The following AKAP12 variants were observed in gnomAD, a reference collection of about 807,000 sequenced individuals.
The protein encoded by AKAP12 is A-kinase anchor protein 12.
Under a neutral mutation model 79.9 loss-of-function variants are expected in AKAP12, and 32 were observed. The observed-to-expected ratio is 0.40, with a 90% CI of 0.30 to 0.54. AKAP12 has a LOEUF of 0.54. AKAP12 is among the 20% of genes least tolerant of loss of function. The pLI is 0.48. For missense variants in AKAP12, 2,074 were observed against 2,177.0 expected, an observed-to-expected ratio of 0.95 and a Z score of 0.94; for synonymous variants, 808 against 857.0, an observed-to-expected ratio of 0.94 and a Z score of 1.00.
At chr6:151,306,851 A>G (rs554618042) in intron 3 of AKAP12, among the ~76,000 whole-genome samples, 1 of 152,360 alleles carries the variant, frequency 6.6e-6, no homozygotes, top group African/African-American at 2.4e-5. Context: ...GAGTATTTGC[A>G]TGACCTAGTG....
intron 2 of AKAP12, among the ~76,000 whole-genome samples, chr6:151,262,897 A>G (rs1227604895): frequency 6.6e-6 from 1 of 152,120 alleles, no homozygotes; most frequent in Admixed American, 6.6e-5. Context: ...GCTAAGAGAG[A>G]CATTCTACAA....
intron 2 of AKAP12, among the ~76,000 whole-genome samples, chr6:151,278,087 GGTA>G (rs1336450952): frequency 6.6e-6 from 1 of 152,108 alleles, no homozygotes; most frequent in Non-Finnish European, 1.5e-5. Flanking sequence ...TATCACTTAA[GGTA>G]GTAGGTAAAA....
chr6:151,339,703 G>T (rs2114806236), intron 3 of AKAP12, among the ~76,000 whole-genome samples: 1 of 152,074 alleles, frequency 6.6e-6, no homozygotes, highest in South Asian at 2.1e-4. Context: ...ATGCAAAATG[G>T]CTTCACTGCC....
chr6:151,285,964 G>A (rs57772154), intron 2 of AKAP12, among the ~76,000 whole-genome samples: 3 of 150,480 alleles, frequency 2.0e-5, no homozygotes, highest in East Asian at 3.9e-4. Flanking sequence ...TGCAACCTTC[G>A]CCTCCTGAGT....
At chr6:151,341,435 C>T (rs1469157749) in intron 3 of AKAP12, among the ~76,000 whole-genome samples, 3 of 152,186 alleles carry the variant, frequency 2.0e-5, no homozygotes, top group African/African-American at 7.2e-5. Flanking sequence ...GGTTTTCGGC[C>T]TCAGCAGGCT....
At chr6:151,293,678 GGTGCTTTTTT>G (rs1776664815) in intron 2 of AKAP12, among the ~76,000 whole-genome samples, 1 of 152,186 alleles carries the variant, frequency 6.6e-6, no homozygotes, top group Non-Finnish European at 1.5e-5. Flanking sequence ...AGAGAAGTCA[GGTGCTTTTTT>G]GTTAAACACG....
At chr6:151,266,550 C>T (rs182640796) in intron 2 of AKAP12, among the ~76,000 whole-genome samples, 66 of 152,252 alleles carry the variant, frequency 4.3e-4, no homozygotes, top group Non-Finnish European at 6.3e-4. Context: ...TTTAGAAGAT[C>T]GAATTATAAA....
rs199646466 is a variant in AKAP12 at position 151,305,786 on chromosome 6, G to A, written c.202G>A (p.Val68Ile). ...KNGQLSTINGVAEQDELSLQE... is the reference protein window; with the variant it reads ...KNGQLSTINGIAEQDELSLQE... ...TGGTCAGCTGTCCACCATCAATGGC[G>A]TAGCTGAGCAAGATGAGCTCAGCCT... The change falls in exon 3 of 5, where the codon GTA (valine) becomes ATA (isoleucine). Residue 68 changes from valine (V) to isoleucine (I), a missense_variant. Around this residue, in one of 3 missense-constraint regions of AKAP12, gnomAD observed 1,428 missense variants for 1,451.0 expected, o/e 0.98. Transcript: ENST00000402676. 1.4e-5 allele frequency: 22 copies of A among 1,613,710 alleles called. No individual in the cohort carries two copies. In the East Asian group the frequency reaches 3.8e-4, roughly 28 times the overall value.
chr6:151,251,288 T>G (rs545962409), intron 2 of AKAP12, among the ~76,000 whole-genome samples: 51 of 152,122 alleles, frequency 3.4e-4, no homozygotes, highest in Non-Finnish European at 6.2e-4. Flanking sequence ...CAAAACAAAG[T>G]TTCAGAAATA....
chr6:151,257,626 G>C (rs1304834718), intron 2 of AKAP12, among the ~76,000 whole-genome samples: 2 of 152,218 alleles, frequency 1.3e-5, no homozygotes, highest in African/African-American at 2.4e-5. Flanking sequence ...ATAACATGCA[G>C]TATTTGTTTT....
At chr6:151,246,455 C>T (rs1020097133) in intron 2 of AKAP12, among the ~76,000 whole-genome samples, 1 of 152,062 alleles carries the variant, frequency 6.6e-6, no homozygotes, top group Non-Finnish European at 1.5e-5. Context: ...AAATTTAACC[C>T]TTCCTAAATT....
chr6:151,349,461 A>T lies in AKAP12; in HGVS notation c.1070A>T (p.His357Leu). 1 of 1,606,466 alleles carries T rather than the reference A, an allele frequency of 6.2e-7. No homozygotes were observed. Reference sequence around the variant, plus strand: ...AAACTGACCGCCTCCGAGCAAGCCCACCCACAGGAGCCGGCAGAAAGTGCC... The same window carrying T: ...AAACTGACCGCCTCCGAGCAAGCCCTCCCACAGGAGCCGGCAGAAAGTGCC... ...SEKLTASEQA[H>L]PQEPAESAHE... The change falls in exon 4 of 5, where the codon CAC becomes CTC. Residue 357 changes from histidine (H) to leucine (L), a missense_variant. His to Leu is a moderately conservative substitution (Grantham distance 99). Around this residue, in one of 3 missense-constraint regions of AKAP12, gnomAD observed 1,428 missense variants for 1,451.0 expected, o/e 0.98. Transcript: ENST00000402676.
chr6:151,295,419 G>T (rs761067837), intron 2 of AKAP12, among the ~76,000 whole-genome samples: 1 of 152,132 alleles, frequency 6.6e-6, no homozygotes, highest in Non-Finnish European at 1.5e-5. Context: ...TACTGAAAAT[G>T]ATGAGAAACA....
Position 151,349,288 on chromosome 6 carries a change from C to A in AKAP12, c.897C>A (p.Phe299Leu), listed in dbSNP as rs1317071422. 2.5e-6 allele frequency: 4 copies of A among 1,613,216 alleles called. No individual in the cohort carries two copies. The highest frequency in any genetic ancestry group is 3.4e-6 in the Non-Finnish European group (4 of 1,179,868). Residue 299 changes from phenylalanine (F) to leucine (L), a missense_variant, in exon 4 of 5, where the codon TTC (phenylalanine) becomes TTA (leucine). Phe to Leu is a conservative substitution (Grantham distance 22). This residue lies in a region of AKAP12 where 1,428 missense variants were observed against 1,451.0 expected (regional missense o/e 0.98). Coordinates refer to ENST00000402676, the MANE Select transcript of AKAP12 (RefSeq NM_005100.4). Reference protein sequence around the residue: ...TSETGSTFKKFFTQGWAGWRK... With the variant: ...TSETGSTFKKLFTQGWAGWRK... The stretch of plus-strand genomic sequence containing the variant: ...AAACAGGATCAACCTTCAAAAAATT[C>A]TTCACTCAAGGTTGGGCCGGCTGGC...
rs145423369 is a variant in AKAP12, at chr6:151,291,886, C to T, written c.163-13861C>T. 8.6e-3 allele frequency among the ~76,000 whole-genome samples: 1,315 copies of T among 152,324 alleles called. 15 individuals carry two copies. Among genetic ancestry groups the T allele is most frequent in the African/African-American group, 0.028 (1,156 of 41,574 alleles). On this transcript the variant is annotated intron_variant, in intron 2 of 4. Coordinates refer to ENST00000402676, the MANE Select transcript of AKAP12 (RefSeq NM_005100.4). ...ATCCCTGCCAGCTGACTTGTGGCCTCTTTCCCTTCCTTCCATGTGCAGTGC... is the reference window on the plus strand; with the variant it reads ...ATCCCTGCCAGCTGACTTGTGGCCTTTTTCCCTTCCTTCCATGTGCAGTGC...
rs987943258 is a variant in AKAP12 at position 151,255,312 on chromosome 6, T to C, written c.162+14588T>C. On this transcript the variant is annotated intron_variant, in intron 2 of 4. Coordinates refer to ENST00000402676, the MANE Select transcript of AKAP12 (RefSeq NM_005100.4). ...TCCTGAGTAGCTGGGATTACAGGCA[T>C]GCACCACCACGCCGGCTGATTTTGT... Among the ~76,000 whole-genome samples the C allele has an allele frequency of 3.3e-5, 5 of 152,114 alleles. No homozygotes were observed. The East Asian group carries it at 7.8e-4, about 24-fold the overall frequency.
intron 3 of AKAP12, among the ~76,000 whole-genome samples, chr6:151,310,562 T>C (rs1425936124): frequency 1.3e-5 from 2 of 152,134 alleles, no homozygotes; most frequent in Non-Finnish European, 2.9e-5. Flanking sequence ...ACCCTGTCTC[T>C]ATATTTTTTT....
chr6:151,263,364 A>G (rs1351019651), intron 2 of AKAP12, among the ~76,000 whole-genome samples: 1 of 151,878 alleles, frequency 6.6e-6, no homozygotes, highest in Non-Finnish European at 1.5e-5. Flanking sequence ...TCTCACTATG[A>G]TTTTGTGAGA....
intron 3 of AKAP12, chr6:151,348,267 G>A (rs957635529): frequency 3.0e-5 from 13 of 427,946 alleles, no homozygotes; most frequent in Non-Finnish European, 1.8e-5. Context: ...AGAGGTTGCA[G>A]TGAACCGAGA....
Sources: gnomAD v4.1 joint callset for allele counts (sites outside exome capture counted in the v4.1 genomes callset) on GRCh38, gnomAD v4.1.1 for gene constraint, gnomAD v4.1.1 regional missense constraint, MANE v1.5 for transcripts, NCBI Gene and HGNC (gene_info 2026-07-23, HGNC 2026-07-21) for gene names.